The following TSHZ2 variants were observed in gnomAD, a reference collection of about 807,000 sequenced individuals.
The protein encoded by TSHZ2 is teashirt homolog 2.
TSHZ2 carries 21 observed loss-of-function variants against 74.4 expected under a neutral mutation model. The observed-to-expected ratio is 0.28, with a 90% CI of 0.20 to 0.41. TSHZ2 has a LOEUF of 0.41. Among genes scored for constraint, TSHZ2 ranks in the 10% least tolerant of loss-of-function variants. The pLI, the probability that TSHZ2 is intolerant of heterozygous loss-of-function variation, is 1.00. For synonymous variants in TSHZ2, 540 were observed against 515.3 expected, an observed-to-expected ratio of 1.05 and a Z score of -0.65; for missense variants, 1,244 against 1,293.5, an observed-to-expected ratio of 0.96 and a Z score of 0.59.
At chr20:53,190,086 AATATATATATATATATATAT>A (rs544193424) in intron 1 of TSHZ2, among the ~76,000 whole-genome samples, 1,778 of 25,124 alleles carry the variant, frequency 0.071, 217 homozygotes, top group Admixed American at 0.26. Context: ...CCCTGTCTCA[AATATATATATATATATATAT>A]ATATATATAT....
At chr20:53,132,646 CTT>C (rs752285534) in intron 1 of TSHZ2, among the ~76,000 whole-genome samples, 23 of 152,132 alleles carry the variant, frequency 1.5e-4, no homozygotes, top group African/African-American at 5.3e-4. Flanking sequence ...GTCCCCCTCT[CTT>C]TCTCTCCATT....
intron 1 of TSHZ2, among the ~76,000 whole-genome samples, chr20:53,055,519 T>C (rs1384442314): frequency 6.6e-6 from 1 of 152,240 alleles, no homozygotes; most frequent in African/African-American, 2.4e-5. Context: ...CTGTTAGTTA[T>C]AATTTTTTTG....
chr20:53,007,428 C>G (rs1982683406), intron 1 of TSHZ2, among the ~76,000 whole-genome samples: 1 of 152,098 alleles, frequency 6.6e-6, no homozygotes, highest in Non-Finnish European at 1.5e-5. Context: ...AAAGAGTTAA[C>G]AAGAGGAGTA....
intron 1 of TSHZ2, among the ~76,000 whole-genome samples, chr20:53,099,902 ATTAC>A (rs1274464454): frequency 2.0e-5 from 3 of 152,128 alleles, no homozygotes; most frequent in Admixed American, 6.5e-5. Context: ...ATTTATTGTT[ATTAC>A]TTCTCCTCTA....
chr20:53,022,269 G>A (rs1436447149), intron 1 of TSHZ2, among the ~76,000 whole-genome samples: 1 of 152,204 alleles, frequency 6.6e-6, no homozygotes, highest in Non-Finnish European at 1.5e-5. Flanking sequence ...CTTACATAAG[G>A]TACATGAGTA....
chr20:52,975,522 GGTGT>G (rs11470780), intron 1 of TSHZ2, among the ~76,000 whole-genome samples: 1 of 150,194 alleles, frequency 6.7e-6, no homozygotes, highest in African/African-American at 2.4e-5. Context: ...GGTGTGTGGG[GGTGT>G]GTGTGTGTGT....
intron 2 of TSHZ2, among the ~76,000 whole-genome samples, chr20:53,435,218 C>T (rs1352716860): frequency 4.6e-5 from 7 of 152,136 alleles, no homozygotes; most frequent in East Asian, 1.9e-4. Flanking sequence ...TTCTGAGTAC[C>T]AATTGTGTGC....
chr20:53,213,415 T>C (rs1358570960), intron 1 of TSHZ2, among the ~76,000 whole-genome samples: 2 of 152,166 alleles, frequency 1.3e-5, no homozygotes, highest in Admixed American at 6.5e-5. Context: ...CTAGAGCTAA[T>C]AGGAACCACC....
In TSHZ2 at chr20:53,255,586, A is replaced by G; in HGVS notation, c.2128A>G (p.Thr710Ala). The G allele has an allele frequency of 6.3e-7, 1 of 1,583,536 alleles. No homozygotes were observed. The highest frequency in any genetic ancestry group is 8.6e-7 in the Non-Finnish European group (1 of 1,165,668). The change falls in exon 2 of 3, where the codon ACG becomes GCG. Residue 710 changes from threonine (T) to alanine (A), a missense_variant. By Grantham distance (58) the Thr-to-Ala change is moderately conservative. Around this residue, in one of 6 missense-constraint regions of TSHZ2, gnomAD observed 562 missense variants for 544.0 expected, o/e 1.03. Coordinates refer to ENST00000371497, the MANE Select transcript of TSHZ2 (RefSeq NM_173485.6). The surrounding 1 kb of genome is among the most constrained non-coding windows in gnomAD (Gnocchi z 4.1). ...SVLNNHLGKA[T>A]EPLRSPSCSS... The stretch of plus-strand genomic sequence containing the variant: ...CCTGAACAATCACTTGGGCAAAGCC[A>G]CGGAGCCCTTGCGCTCACCTTCCTG...
At position 53,280,608 on chromosome 20, in the gene TSHZ2, G is replaced by T. The variant is rs573324498; in HGVS notation, c.*8+24037G>T. Among the ~76,000 whole-genome samples the T allele has an allele frequency of 3.9e-5, 6 of 152,156 alleles. No individual in the cohort carries two copies. In the East Asian group the frequency reaches 9.7e-4, roughly 24 times the overall value. ...TGAATGCAACCACTTAGGTATTTTT[G>T]ATTCTTCTCATCATTTAGTCAACAA... On this transcript the variant is annotated intron_variant, in intron 2 of 2. Coordinates refer to ENST00000371497, the MANE Select transcript of TSHZ2 (RefSeq NM_173485.6).
chr20:53,004,748 C>A (rs1982577406), intron 1 of TSHZ2, among the ~76,000 whole-genome samples: 1 of 152,130 alleles, frequency 6.6e-6, no homozygotes, highest in South Asian at 2.1e-4. Flanking sequence ...AAAAGTCAGA[C>A]CCTCAGGTTT....
At chr20:53,095,815 G>C (rs1308869062) in intron 1 of TSHZ2, among the ~76,000 whole-genome samples, 1 of 152,046 alleles carries the variant, frequency 6.6e-6, no homozygotes, top group Non-Finnish European at 1.5e-5. Context: ...AGCCAAAACG[G>C]CCCCCAGTTG....
intron 2 of TSHZ2, among the ~76,000 whole-genome samples, chr20:53,331,083 G>A (rs200576425): frequency 3.3e-5 from 5 of 152,170 alleles, no homozygotes; most frequent in African/African-American, 9.7e-5. Flanking sequence ...GTGTCTATGC[G>A]GGATTTGGAT....
intron 1 of TSHZ2, among the ~76,000 whole-genome samples, chr20:53,022,039 T>C (rs1983264997): frequency 6.6e-6 from 1 of 152,112 alleles, no homozygotes; most frequent in Non-Finnish European, 1.5e-5. Context: ...TAGGGGCTCA[T>C]AATGAAGGAG....
chr20:53,471,631 G>A (rs972314086), intron 2 of TSHZ2, among the ~76,000 whole-genome samples: 1 of 152,096 alleles, frequency 6.6e-6, no homozygotes, highest in Admixed American at 6.5e-5. Flanking sequence ...GTGGGAAGAA[G>A]AGCATGCTAA....
intron 2 of TSHZ2, among the ~76,000 whole-genome samples, chr20:53,471,149 A>G (rs1165153677): frequency 1.3e-5 from 2 of 152,228 alleles, no homozygotes; most frequent in Non-Finnish European, 2.9e-5. Flanking sequence ...CTATTTTTCC[A>G]GTCTCTTTCC....
intron 1 of TSHZ2, among the ~76,000 whole-genome samples, chr20:53,031,633 G>A (rs1983642459): frequency 6.6e-6 from 1 of 152,100 alleles, no homozygotes; most frequent in Admixed American, 6.5e-5. Flanking sequence ...AGTGTATAGA[G>A]GGTTGAGGAG....
intron 1 of TSHZ2, among the ~76,000 whole-genome samples, chr20:53,176,835 C>T (rs971337263): frequency 2.0e-5 from 3 of 151,588 alleles, no homozygotes; most frequent in Non-Finnish European, 2.9e-5. Flanking sequence ...TACAAGCATG[C>T]GTCACCACGC....
chr20:52,982,079 A>T (rs1981587973), intron 1 of TSHZ2, among the ~76,000 whole-genome samples: 1 of 152,240 alleles, frequency 6.6e-6, no homozygotes, highest in Non-Finnish European at 1.5e-5. Context: ...TGAGAGCAGG[A>T]GTTGGGACAA....
Sources: gnomAD v4.1 joint callset for allele counts (sites outside exome capture counted in the v4.1 genomes callset) on GRCh38, gnomAD v4.1.1 for gene constraint, gnomAD v4.1.1 regional missense constraint, Gnocchi (gnomAD v3.1) non-coding constraint, MANE v1.5 for transcripts, NCBI Gene and HGNC (gene_info 2026-07-23, HGNC 2026-07-21) for gene names.